The following ASPRV1 variants were observed in gnomAD, a reference collection of about 807,000 sequenced individuals.
ASPRV1 encodes retroviral-like aspartic protease 1.
In ASPRV1, 7 loss-of-function variants were observed where a neutral mutation model predicts 11.0. That is an observed-to-expected ratio of 0.64 (90% CI 0.36 to 1.20). The LOEUF is 1.20. Ranked by LOEUF, ASPRV1 falls within the 50% of genes most tolerant of loss-of-function variation. The pLI, the probability that ASPRV1 is intolerant of heterozygous loss-of-function variation, is 0.02. For missense variants in ASPRV1, 299 were observed against 320.0 expected (o/e 0.93, Z 0.50); for synonymous variants, 136 against 138.4 (o/e 0.98, Z 0.12).
chr2:70,065,507 G>A, the ASPRV1 span, among the ~76,000 whole-genome samples: 1 of 150,652 alleles, frequency 6.6e-6, no homozygotes, highest in Non-Finnish European at 1.5e-5. Flanking sequence ...TGCGATCACA[G>A]AATTAAAATC....
At chr2:69,942,525 G>A in the ASPRV1 span, 1 of 152,184 alleles carries the variant, frequency 6.6e-6, no homozygotes, top group South Asian at 2.1e-4. Flanking sequence ...CCAATGTTAA[G>A]ATTTATCCAG....
chr2:70,018,369 A>G, the ASPRV1 span, among the ~76,000 whole-genome samples: 1 of 152,068 alleles, frequency 6.6e-6, no homozygotes. Flanking sequence ...CTACAGATTC[A>G]AAGCAATCTC....
chr2:69,935,361 C>A, the ASPRV1 span: 2 of 1,613,520 alleles, frequency 1.2e-6, no homozygotes, highest in Admixed American at 3.3e-5. Flanking sequence ...ACGGGCTCAT[C>A]TTCGCTTGTG....
At chr2:69,984,455 T>G in the ASPRV1 span, among the ~76,000 whole-genome samples, 16 of 152,184 alleles carry the variant, frequency 1.1e-4, no homozygotes, top group Non-Finnish European at 1.9e-4. Context: ...ATGAATACAC[T>G]GAGTTCTACC....
Position 69,960,676 on chromosome 2 carries a change from C to A in ASPRV1, c.761G>T (p.Arg254Leu). The change falls in exon 1 of 1, where the codon CGG (arginine) becomes CTG (leucine). Residue 254 changes from arginine (R) to leucine (L), a missense_variant. Arg to Leu is a moderately radical substitution (Grantham distance 102, BLOSUM62 -2). Coordinates refer to ENST00000320256, the MANE Select transcript of ASPRV1 (RefSeq NM_152792.4). ...GGCTTCTCAGTGGGATAGCTCCTGC[C>A]GCCCTTCTTCTGAGGAGGGGTCCTC... ...IEEDPSSEEG[R>L]QELSH is the part of the protein sequence containing the mutation. The A allele has an allele frequency of 6.2e-7, 1 of 1,612,566 alleles. No homozygotes were observed. Among genetic ancestry groups the A allele is most frequent in the African/African-American group, 1.3e-5 (1 of 74,980 alleles).
chr2:69,982,743 T>C, the ASPRV1 span, among the ~76,000 whole-genome samples: 1 of 152,234 alleles, frequency 6.6e-6, no homozygotes, highest in Non-Finnish European at 1.5e-5. Flanking sequence ...TTCTCAGGCC[T>C]GCAGCTGGTC....
At chr2:69,937,097 G>C in the ASPRV1 span, 1 of 1,134,820 alleles carries the variant, frequency 8.8e-7, no homozygotes, top group Admixed American at 1.7e-5. Context: ...TCCTGTCTCA[G>C]GGAGAAGCTT....
chr2:70,047,523 A>C, the ASPRV1 span, among the ~76,000 whole-genome samples: 2 of 152,210 alleles, frequency 1.3e-5, no homozygotes, highest in Non-Finnish European at 2.9e-5. Flanking sequence ...AAAAACACAA[A>C]ATTGTCTACT....
the ASPRV1 span, among the ~76,000 whole-genome samples, chr2:70,042,600 C>A: frequency 2.6e-5 from 4 of 152,160 alleles, no homozygotes; most frequent in African/African-American, 9.7e-5. Context: ...TCATTCAGGG[C>A]ATAGAACACA....
chr2:69,938,795 G>GA, the ASPRV1 span: 3 of 153,922 alleles, frequency 1.9e-5, no homozygotes, highest in African/African-American at 7.2e-5. Flanking sequence ...CACCAGTGAG[G>GA]AAGTCAGGAA....
At chr2:70,084,582 C>A in the ASPRV1 span, among the ~76,000 whole-genome samples, 1 of 152,188 alleles carries the variant, frequency 6.6e-6, no homozygotes, top group African/African-American at 2.4e-5. Flanking sequence ...TGTGTATAAG[C>A]GGTCACAACT....
At chr2:70,070,172 T>A in the ASPRV1 span, 1 of 78,468 alleles carries the variant, frequency 1.3e-5, no homozygotes. Context: ...TGAGCAAGAC[T>A]CCATCTCAAA....
At chr2:69,980,898 C>A in the ASPRV1 span, among the ~76,000 whole-genome samples, 1 of 152,202 alleles carries the variant, frequency 6.6e-6, no homozygotes, top group East Asian at 1.9e-4. Flanking sequence ...GCCTCAGCCT[C>A]CCGAGTAGCT....
the ASPRV1 span, chr2:70,031,793 T>G: frequency 6.6e-6 from 1 of 152,262 alleles, no homozygotes; most frequent in Non-Finnish European, 1.5e-5. Context: ...TCCAAAGATG[T>G]CATGTGGCCT....
At chr2:69,933,411 C>T in the ASPRV1 span, among the ~76,000 whole-genome samples, 1 of 152,138 alleles carries the variant, frequency 6.6e-6, no homozygotes, top group African/African-American at 2.4e-5. Context: ...TGGTCCCCAC[C>T]ACATGCAGTA....
chr2:69,979,046 GT>G, the ASPRV1 span, among the ~76,000 whole-genome samples: 1 of 151,970 alleles, frequency 6.6e-6, no homozygotes, highest in Admixed American at 6.6e-5. Flanking sequence ...GTTTGTTTTT[GT>G]TTTTTTGAGA....
chr2:69,935,560 C>A, the ASPRV1 span: 1 of 800,958 alleles, frequency 1.2e-6, no homozygotes, highest in Non-Finnish European at 2.1e-6. Context: ...CCCTGAACTC[C>A]TCCAGTCTAG....
the ASPRV1 span, chr2:70,056,507 A>C: frequency 3.5e-5 from 5 of 141,968 alleles, no homozygotes; most frequent in Admixed American, 1.5e-4. Flanking sequence ...CGGGAGGCTG[A>C]GGCAGGAGAA....
At chr2:70,046,792 G>A in the ASPRV1 span, 1 of 152,110 alleles carries the variant, frequency 6.6e-6, no homozygotes, top group Admixed American at 6.6e-5. Context: ...CATGTGCTCA[G>A]GGAACTGGCA....
Sources: gnomAD v4.1 joint callset for allele counts (sites outside exome capture counted in the v4.1 genomes callset) on GRCh38, gnomAD v4.1.1 for gene constraint, MANE v1.5 for transcripts, NCBI Gene and HGNC (gene_info 2026-07-23, HGNC 2026-07-21) for gene names.